Variants in PDE4D observed in about 807,000 individuals in gnomAD.
PDE4D encodes 3',5'-cyclic-AMP phosphodiesterase 4D.
Under a neutral mutation model 87.4 loss-of-function variants are expected in PDE4D, and 24 were observed. The observed-to-expected ratio is 0.27, with a 90% CI of 0.20 to 0.39. The LOEUF (loss-of-function observed/expected upper bound fraction) is 0.39, where lower values mean the gene tolerates loss of function less well. Among genes scored for constraint, PDE4D ranks in the 10% least tolerant of loss-of-function variants. PDE4D has a pLI of 1.00. For synonymous variants in PDE4D, 384 were observed against 383.2 expected, an observed-to-expected ratio of 1.00 and a Z score of -0.02; for missense variants, 714 against 1,041.0, an observed-to-expected ratio of 0.69 and a Z score of 4.32.
chr5:59,520,953 A>C lies in PDE4D; in HGVS notation c.456-304985T>G, dbSNP rs190702387. 1.3e-3 allele frequency among the ~76,000 whole-genome samples: 193 copies of C among 152,248 alleles called. 1 individual carries two copies. Among genetic ancestry groups the C allele is most frequent in the African/African-American group, 4.5e-3 (185 of 41,542 alleles). ...GTATGTGTGTATATATATATAATGTATATGAAATTCCTCAATTTCAAAGAC... is the reference window on the plus strand; with the variant it reads ...GTATGTGTGTATATATATATAATGTCTATGAAATTCCTCAATTTCAAAGAC... On this transcript the variant is annotated intron_variant, in intron 1 of 14. Transcript: ENST00000340635.
chr5:59,921,431 T>C (rs1302228435), intron 3 of PDE4D, among the ~76,000 whole-genome samples: 1 of 152,122 alleles, frequency 6.6e-6, no homozygotes, highest in African/African-American at 2.4e-5. Context: ...AGAAATGGGA[T>C]AGATATGAGT....
chr5:59,636,404 AAG>A (rs1391626048), intron 1 of PDE4D, among the ~76,000 whole-genome samples: 1 of 152,202 alleles, frequency 6.6e-6, no homozygotes, highest in African/African-American at 2.4e-5. Flanking sequence ...ATGGAACCAA[AAG>A]AGAGCCCGTA....
At chr5:59,279,307 G>A (rs10491353) in intron 1 of PDE4D, among the ~76,000 whole-genome samples, 25,234 of 151,974 alleles carry the variant, frequency 0.17, 2,281 homozygotes, top group East Asian at 0.24. Flanking sequence ...GTACTCTAAC[G>A]TTAATGAGAA....
chr5:59,471,873 C>A (rs1802498797), intron 1 of PDE4D, among the ~76,000 whole-genome samples: 1 of 152,122 alleles, frequency 6.6e-6, no homozygotes, highest in Non-Finnish European at 1.5e-5. Flanking sequence ...GGTAGCTACT[C>A]CGTGATTAAG....
chr5:59,084,644 C>T (rs1488754830), intron 5 of PDE4D, among the ~76,000 whole-genome samples: 4 of 151,770 alleles, frequency 2.6e-5, no homozygotes, highest in Middle Eastern at 3.4e-3. Context: ...CCCAGCACTT[C>T]GAGAGGCAGA....
chr5:59,391,048 A>C (rs891826795), intron 1 of PDE4D, among the ~76,000 whole-genome samples: 11 of 152,172 alleles, frequency 7.2e-5, no homozygotes. Flanking sequence ...ACTAAATCCC[A>C]GTATACAGTC....
At chr5:60,065,894 T>C (rs1016699807) in intron 2 of PDE4D, among the ~76,000 whole-genome samples, 1 of 152,246 alleles carries the variant, frequency 6.6e-6, no homozygotes, top group South Asian at 2.1e-4. Context: ...GCTATAAACA[T>C]ACGTGTGCGT....
At chr5:59,063,984 G>GA (rs1763514186) in intron 5 of PDE4D, among the ~76,000 whole-genome samples, 1 of 151,956 alleles carries the variant, frequency 6.6e-6, no homozygotes, top group Non-Finnish European at 1.5e-5. Context: ...TAACTACAAG[G>GA]AAAAAATTAT....
At chr5:59,506,173 A>G (rs11746896) in intron 1 of PDE4D, among the ~76,000 whole-genome samples, 36,265 of 152,028 alleles carry the variant, frequency 0.24, 5,753 homozygotes, top group African/African-American at 0.46. Context: ...CTAAATTAAT[A>G]TAAATGGTTT....
At chr5:59,652,137 C>G (rs1223853704) in intron 1 of PDE4D, among the ~76,000 whole-genome samples, 2 of 152,176 alleles carry the variant, frequency 1.3e-5, no homozygotes, top group South Asian at 4.1e-4. Flanking sequence ...TCTTCCCTCC[C>G]CTCCATAGGT....
chr5:60,006,196 A>ATTG (rs1554132318), intron 2 of PDE4D, among the ~76,000 whole-genome samples: 1 of 151,880 alleles, frequency 6.6e-6, no homozygotes, highest in Non-Finnish European at 1.5e-5. Context: ...TATATCGAGA[A>ATTG]TTGTTAAAAC....
At chr5:59,288,917 A>T (rs1032505619) in intron 1 of PDE4D, among the ~76,000 whole-genome samples, 2 of 152,166 alleles carry the variant, frequency 1.3e-5, no homozygotes, top group Admixed American at 1.3e-4. Flanking sequence ...CATCAACACC[A>T]GACCTATCCT....
intron 1 of PDE4D, among the ~76,000 whole-genome samples, chr5:59,417,653 T>C (rs995378224): frequency 6.6e-6 from 1 of 152,130 alleles, no homozygotes; most frequent in South Asian, 2.1e-4. Flanking sequence ...AGAGTACTAG[T>C]ACTATTTTTT....
At chr5:59,419,429 G>A (rs1222813081) in intron 1 of PDE4D, among the ~76,000 whole-genome samples, 2 of 152,126 alleles carry the variant, frequency 1.3e-5, no homozygotes, top group Non-Finnish European at 2.9e-5. Context: ...ATGAATGAAT[G>A]AATTTACTGA....
intron 1 of PDE4D, among the ~76,000 whole-genome samples, chr5:59,590,708 G>T (rs1230869045): frequency 6.6e-6 from 1 of 150,892 alleles, no homozygotes; most frequent in Non-Finnish European, 1.5e-5. Flanking sequence ...TTTGTTTTGT[G>T]TTTTTTTTTA....
chr5:59,574,331 A>G (rs73099636), intron 1 of PDE4D, among the ~76,000 whole-genome samples: 2,483 of 150,784 alleles, frequency 0.016, 62 homozygotes, highest in African/African-American at 0.057. Flanking sequence ...CATTCTCCCT[A>G]TAAGTTATGC....
At chr5:59,019,758 A>G (rs151100320) in intron 6 of PDE4D, among the ~76,000 whole-genome samples, 2 of 152,060 alleles carry the variant, frequency 1.3e-5, no homozygotes, top group East Asian at 3.9e-4. Context: ...TGAATACTCG[A>G]ACTCCTCTAC....
chr5:59,173,628 C>T (rs926922074), intron 5 of PDE4D, among the ~76,000 whole-genome samples: 1 of 152,132 alleles, frequency 6.6e-6, no homozygotes. Context: ...CAGCATTTTT[C>T]GATCACATTT....
At chr5:60,440,134 G>A (rs2150131189) in intron 1 of PDE4D, among the ~76,000 whole-genome samples, 1 of 152,186 alleles carries the variant, frequency 6.6e-6, no homozygotes, top group South Asian at 2.1e-4. Context: ...CCAGTTAGCA[G>A]CAAGCTAACG....
Sources: allele counts gnomAD v4.1 joint callset (sites outside exome capture counted in the v4.1 genomes callset), GRCh38; gene constraint gnomAD v4.1.1; transcripts MANE v1.5; gene names NCBI Gene and HGNC (gene_info 2026-07-23, HGNC 2026-07-21).